The following HEXA variants were observed in gnomAD, a reference collection of about 807,000 sequenced individuals.
HEXA encodes the protein hexosaminidase subunit alpha.
Under a neutral mutation model 73.3 loss-of-function variants are expected in HEXA, and 54 were observed. That is an observed-to-expected ratio of 0.74 (90% CI 0.59 to 0.92). HEXA has a LOEUF of 0.92. Ranked by LOEUF, HEXA falls within the 40% of genes least tolerant of loss-of-function variation. The pLI is 0.00. For missense variants in HEXA, 649 were observed against 653.0 expected (o/e 0.99, Z 0.07); for synonymous variants, 230 against 246.9 (o/e 0.93, Z 0.64).
intron 6 of HEXA, 139 bp downstream of exon 6, chr15:72,350,994 G>T: frequency 1.4e-6 from 1 of 711,548 alleles, no homozygotes; most frequent in Non-Finnish European, 2.6e-6. Flanking sequence ...CAAGTCTCCT[G>T]ACTCCAAATC....
At position 72,375,908 on chromosome 15, in the gene HEXA, G is replaced by A. The variant is rs750498339; in HGVS notation, c.65C>T (p.Ala22Val). The change falls in exon 1 of 14, where the codon GCC becomes GTC. Residue 22 changes from alanine (A) to valine (V), a missense_variant. Coordinates refer to ENST00000268097, the MANE Select transcript of HEXA (RefSeq NM_000520.6). ...GAAGTTCTGAGGCCAGGGCCAGAGGGCCGTCGCCCGTCCTGCGAACGCTGC... is the reference window on the plus strand; with the variant it reads ...GAAGTTCTGAGGCCAGGGCCAGAGGACCGTCGCCCGTCCTGCGAACGCTGC... ...LAAAFAGRATALWPWPQNFQT... is the reference protein window; with the variant it reads ...LAAAFAGRATVLWPWPQNFQT... The A allele has an allele frequency of 8.7e-6, 14 of 1,614,080 alleles. No individual in the cohort carries two copies. The highest frequency in any genetic ancestry group is 1.2e-5 in the Non-Finnish European group (14 of 1,180,046).
At chr15:72,373,237 T>C (rs1483034050) in intron 1 of HEXA, among the ~76,000 whole-genome samples, 1 of 152,268 alleles carries the variant, frequency 6.6e-6, no homozygotes, top group Non-Finnish European at 1.5e-5. Flanking sequence ...TTAACCTGCA[T>C]ATGTTGCCTT....
chr15:72,352,415 A>G (rs1595801205), intron 5 of HEXA, among the ~76,000 whole-genome samples: 1 of 151,398 alleles, frequency 6.6e-6, no homozygotes, highest in Admixed American at 6.6e-5. Flanking sequence ...CAGCCTGGGT[A>G]ACATGACGAA....
rs943900037 is a variant in HEXA, at chr15:72,341,859, A to G, written c.*2218T>C. On this transcript the variant is annotated 3_prime_UTR_variant, in exon 14 of 14. Coordinates refer to ENST00000268097, the MANE Select transcript of HEXA (RefSeq NM_000520.6). ...CACTTTACCAATGAAAGTCGTGACC[A>G]GGCCACGTTAGTTTAGTGGTAAAAA... 5.3e-5 allele frequency: 8 copies of G among 152,230 alleles called. No individual in the cohort carries two copies. Among genetic ancestry groups the G allele is most frequent in the African/African-American group, 1.9e-4 (8 of 41,454 alleles). 9.4% of individuals were successfully genotyped at this position (152,230 alleles called of 1,614,324 possible).
At position 72,353,129 on chromosome 15, in the gene HEXA, C is replaced by T. The variant is rs121907957; in HGVS notation, c.509G>A (p.Arg170Gln). Residue 170 changes from arginine to glutamine, a missense_variant, in exon 5 of 14, where the codon CGG becomes CAG. By Grantham distance (43) the Arg-to-Gln change is conservative. Transcript: ENST00000268097. ...EIEDFPRFPH[R>Q]GLLLDTSRHY... ...GCGAGATGTATCCAACAGCAAGCCC[C>T]GGTGAGGAAAGCGGGGAAAGTCCTC... 6 of 1,613,570 alleles carry T rather than the reference C, an allele frequency of 3.7e-6. No homozygotes were observed. The highest frequency in any genetic ancestry group is 5.1e-6 in the Non-Finnish European group (6 of 1,179,678).
rs374977824 is a variant in HEXA at position 72,348,152 on chromosome 15, A to C, written c.987-18T>G. On this transcript the variant is annotated intron_variant, in intron 8 of 13. Transcript: ENST00000268097. ...TGGACTTCCTGAATCCCAAGAGAAAATGAAGATTAATCTTTCAACATCCTG... is the reference window on the plus strand; with the variant it reads ...TGGACTTCCTGAATCCCAAGAGAAACTGAAGATTAATCTTTCAACATCCTG... The C allele has an allele frequency of 1.4e-5, 21 of 1,550,646 alleles. No individual in the cohort carries two copies. Among genetic ancestry groups the C allele is most frequent in the Non-Finnish European group, 1.8e-5 (20 of 1,122,214 alleles).
chr15:72,350,944 G>A (rs12908883), intron 6 of HEXA, 189 bp downstream of exon 6: 2 of 654,606 alleles, frequency 3.1e-6, no homozygotes, highest in Non-Finnish European at 5.5e-6. Flanking sequence ...TCTCCTGAAG[G>A]TCACAAGGCA....
intron 1 of HEXA, chr15:72,359,931 T>C (rs1209368900): frequency 6.6e-6 from 1 of 152,138 alleles, no homozygotes; most frequent in Non-Finnish European, 1.5e-5. Context: ...CATGGAATTC[T>C]AATAACAAGG....
At chr15:72,347,637 C>A in intron 10 of HEXA, 49 bp downstream of exon 10, 1 of 1,462,752 alleles carries the variant, frequency 6.8e-7, no homozygotes, top group Non-Finnish European at 9.6e-7. Flanking sequence ...CTGGGGAGAC[C>A]AGAGGGAGGC....
intron 7 of HEXA, 107 bp downstream of exon 7, chr15:72,350,411 C>A: frequency 1.7e-6 from 2 of 1,210,120 alleles, no homozygotes; most frequent in South Asian, 2.4e-5. Context: ...GGAAAACATT[C>A]TTCTAAGGAC....
At chr15:72,366,842 T>C (rs913462353) in intron 1 of HEXA, among the ~76,000 whole-genome samples, 3 of 152,308 alleles carry the variant, frequency 2.0e-5, no homozygotes, top group African/African-American at 4.8e-5. Context: ...TAGTACTACA[T>C]AGCTAACTGT....
intron 10 of HEXA, among the ~76,000 whole-genome samples, chr15:72,347,274 C>T (rs546152456): frequency 5.2e-4 from 44 of 85,088 alleles, no homozygotes; most frequent in Non-Finnish European, 1.3e-3. Context: ...CATACCACAG[C>T]GGCCTTTGGT....
intron 8 of HEXA, among the ~76,000 whole-genome samples, 177 bp from the exon 9 acceptor site, chr15:72,348,311 G>C (rs562031627): frequency 6.6e-6 from 1 of 152,172 alleles, no homozygotes; most frequent in African/African-American, 2.4e-5. Context: ...TGAAGCAGGT[G>C]GGCTGTTGAC....
chr15:72,352,713 G>T (rs1449461769), intron 5 of HEXA, among the ~76,000 whole-genome samples: 3 of 150,964 alleles, frequency 2.0e-5, no homozygotes, highest in Non-Finnish European at 4.4e-5. Flanking sequence ...ACCCAGGCTG[G>T]AGTGCAGTGG....
intron 5 of HEXA, among the ~76,000 whole-genome samples, chr15:72,352,665 T>TC (rs36106892): frequency 0.78 from 113,522 of 144,882 alleles, 48,693 homozygotes; most frequent in East Asian, 0.98. Context: ...TTACATACAA[T>TC]TTTTTTTTTT....
intron 1 of HEXA, among the ~76,000 whole-genome samples, chr15:72,364,977 A>T (rs888014203): frequency 6.6e-6 from 1 of 151,954 alleles, no homozygotes; most frequent in African/African-American, 2.4e-5. Context: ...GTGCACCAGC[A>T]TGTCAGGCTA....
intron 1 of HEXA, chr15:72,370,402 T>C (rs2088974031): frequency 7.8e-6 from 3 of 383,224 alleles, no homozygotes; most frequent in East Asian, 3.7e-5. Flanking sequence ...AAAAGTATCA[T>C]GCTTTAGGTA....
chr15:72,344,813 G>A (rs2088588773), intron 13 of HEXA, among the ~76,000 whole-genome samples: 4 of 152,168 alleles, frequency 2.6e-5, no homozygotes, highest in African/African-American at 9.7e-5. Context: ...AGCCAACGAA[G>A]GAATCAGGGA....
chr15:72,355,483 G>A (rs2088763434), intron 3 of HEXA, 76 bp downstream of exon 3: 1 of 999,376 alleles, frequency 1.0e-6, no homozygotes, highest in Non-Finnish European at 1.6e-6. Flanking sequence ...CAGGGACTGG[G>A]CCACTGCACT....
Sources: gnomAD v4.1 joint callset for allele counts (sites outside exome capture counted in the v4.1 genomes callset) on GRCh38, gnomAD v4.1.1 for gene constraint, MANE v1.5 for transcripts, NCBI Gene and HGNC (gene_info 2026-07-23, HGNC 2026-07-21) for gene names.